LZTFL1: variants seen among roughly 807,000 people sequenced by gnomAD.
LZTFL1 encodes the protein leucine zipper transcription factor-like protein 1.
A neutral mutation model predicts 45.9 loss-of-function variants in LZTFL1; 25 were observed. The observed-to-expected ratio is 0.54, with a 90% CI of 0.40 to 0.76. The LOEUF (loss-of-function observed/expected upper bound fraction) is 0.76. Ranked by LOEUF, LZTFL1 falls within the 30% of genes least tolerant of loss-of-function variation. LZTFL1 has a pLI of 0.00. For missense variants in LZTFL1, 277 were observed against 331.1 expected, an observed-to-expected ratio of 0.84 and a Z score of 1.27; for synonymous variants, 93 against 117.4, an observed-to-expected ratio of 0.79 and a Z score of 1.35.
intron 2 of LZTFL1, among the ~76,000 whole-genome samples, chr3:45,898,892 G>C (rs958379410): frequency 6.6e-5 from 10 of 152,260 alleles, no homozygotes; most frequent in South Asian, 2.1e-4. Context: ...TCTGGGCCGG[G>C]CATGGTGGCT....
Position 45,889,976 on chromosome 3 carries a change from G to A in LZTFL1, c.-215+23144C>T, listed in dbSNP as rs979735594. On this transcript the variant is annotated intron_variant, in intron 2 of 4. Coordinates refer to the LZTFL1 transcript ENST00000472635. ...GATGCGCTGCAGAGTCAGAGATGTT[G>A]TGCTTTGTAAATTTTGACAGATATG... Among the ~76,000 whole-genome samples, 4 of 151,254 alleles carry A rather than the reference G, an allele frequency of 2.6e-5. No homozygotes were observed. The East Asian group carries it at 7.8e-4, about 30-fold the overall frequency.
intron 2 of LZTFL1, among the ~76,000 whole-genome samples, chr3:45,909,251 G>A (rs1258291007): frequency 6.6e-6 from 1 of 152,174 alleles, no homozygotes; most frequent in Admixed American, 6.5e-5. Flanking sequence ...GATGTAACAT[G>A]CTTGAATCAT....
chr3:45,851,699 C>T (rs1023990018), intron 4 of LZTFL1, among the ~76,000 whole-genome samples: 1 of 151,828 alleles, frequency 6.6e-6, no homozygotes, highest in Non-Finnish European at 1.5e-5. Context: ...TAAATTTTTC[C>T]CAGCCAGGTG....
At chr3:45,905,110 CA>C (rs1158442941) in intron 2 of LZTFL1, among the ~76,000 whole-genome samples, 1 of 152,018 alleles carries the variant, frequency 6.6e-6, no homozygotes, top group African/African-American at 2.4e-5. Context: ...TTTAGATACT[CA>C]AAAAAAATCT....
chr3:45,877,738 T>G (rs2125722596), intron 2 of LZTFL1, among the ~76,000 whole-genome samples: 1 of 150,936 alleles, frequency 6.6e-6, no homozygotes, highest in African/African-American at 2.4e-5. Context: ...ATTTCATTTA[T>G]TAGTTTTTTT....
At chr3:45,874,182 C>T (rs1003120489) in intron 2 of LZTFL1, among the ~76,000 whole-genome samples, 5 of 152,190 alleles carry the variant, frequency 3.3e-5, no homozygotes, top group Non-Finnish European at 7.3e-5. Context: ...GCATCCTCCT[C>T]TTTCCTACAT....
rs1575246988 is a variant in LZTFL1, at chr3:45,825,197, G to A, written c.*1117C>T. ...TCTTAGTAGACAGTGTTCATTTAGG[G>A]TGTGATACTCTCACTTTTAGAAGCA... On this transcript the variant is annotated 3_prime_UTR_variant, in exon 10 of 10. Transcript: ENST00000296135. 1 of 288,170 alleles carries A rather than the reference G, an allele frequency of 3.5e-6. No homozygotes were observed. Among genetic ancestry groups the A allele is most frequent in the East Asian group, 5.7e-5 (1 of 17,630 alleles). 17.9% of individuals were successfully genotyped at this position (288,170 alleles called of 1,614,324 possible).
At chr3:45,882,633 T>A (rs964820260) in intron 2 of LZTFL1, among the ~76,000 whole-genome samples, 1 of 152,136 alleles carries the variant, frequency 6.6e-6, no homozygotes, top group African/African-American at 2.4e-5. Flanking sequence ...TATATTGTAA[T>A]GAACAGACTC....
intron 2 of LZTFL1, among the ~76,000 whole-genome samples, chr3:45,874,253 A>G (rs1701713537): frequency 6.6e-6 from 1 of 152,138 alleles, no homozygotes; most frequent in Non-Finnish European, 1.5e-5. Context: ...AATGATAGCC[A>G]CTGAAAAAAT....
Position 45,832,972 on chromosome 3 carries a change from T to C in LZTFL1, c.456+78A>G, listed in dbSNP as rs1397577995. ...ATCCTCAGAGGACCTGAAACAAACC[T>C]TCCACTTCTGTTTCTCCACCCTAGG... On this transcript the variant is annotated intron_variant, in intron 5 of 9. Transcript: ENST00000296135. 3 of 1,095,916 alleles carry C rather than the reference T, an allele frequency of 2.7e-6. No individual in the cohort carries two copies. The Admixed American group carries it at 5.4e-5, about 20-fold the overall frequency. 67.9% of individuals were successfully genotyped at this position (1,095,916 alleles called of 1,614,324 possible). A position where few individuals can be genotyped will look rare whatever the true frequency, so the allele number is the denominator to read the frequency against.
intron 2 of LZTFL1, chr3:45,912,969 T>C (rs1167873193): frequency 5.6e-6 from 4 of 716,174 alleles, no homozygotes; most frequent in Non-Finnish European, 8.9e-6. Flanking sequence ...AGGGCTGCCA[T>C]AGCAAATCCT....
rs937368014 is a variant in LZTFL1 at position 45,826,225 on chromosome 3, G to T, written c.*89C>A. On this transcript the variant is annotated 3_prime_UTR_variant, in exon 10 of 10. Coordinates refer to ENST00000296135, the MANE Select transcript of LZTFL1 (RefSeq NM_020347.4). ...AAATATTAGAAAAATAAGGAGAGGG[G>T]ATATGACAAAATGCTTTTCAAAATA... 5.5e-6 allele frequency: 6 copies of T among 1,083,470 alleles called. No homozygotes were observed. In the Admixed American group the frequency reaches 5.7e-5, roughly 10 times the overall value. The allele number at this position is 1,083,470 out of a possible 1,614,324, so 67.1% of individuals were successfully genotyped here.
chr3:45,864,729 A>G (rs1241486312), intron 2 of LZTFL1, among the ~76,000 whole-genome samples: 2 of 152,198 alleles, frequency 1.3e-5, no homozygotes, highest in Non-Finnish European at 2.9e-5. Flanking sequence ...AAAAACACAC[A>G]TGAGGAGACA....
Position 45,901,440 on chromosome 3 carries a change from A to C in LZTFL1, c.-215+11680T>G, listed in dbSNP as rs1702554201. 1 of 1,614,040 alleles carries C rather than the reference A, an allele frequency of 6.2e-7. No individual in the cohort carries two copies. Among genetic ancestry groups the C allele is most frequent in the South Asian group, 1.1e-5 (1 of 91,086 alleles). ...ACTGAAGTCAGCTGTCTTGACCCTG[A>C]AGGTCATTCTGGGGTTCTTCCTTCC... is the stretch of plus-strand genomic sequence containing the variant. On this transcript the variant is annotated intron_variant, in intron 2 of 4. Coordinates refer to the LZTFL1 transcript ENST00000472635. The surrounding 1 kb of genome is among the most constrained non-coding windows in gnomAD (Gnocchi z 4.3).
chr3:45,858,106 A>G (rs1475564779), intron 3 of LZTFL1, among the ~76,000 whole-genome samples: 4 of 152,218 alleles, frequency 2.6e-5, no homozygotes, highest in Non-Finnish European at 5.9e-5. Context: ...TCCTTTACAC[A>G]TTCAATTTTC....
chr3:45,872,069 G>C (rs565480202), intron 2 of LZTFL1, among the ~76,000 whole-genome samples: 1 of 152,192 alleles, frequency 6.6e-6, no homozygotes, highest in Non-Finnish European at 1.5e-5. Flanking sequence ...GGCAGGCCTA[G>C]GCTCATCAAA....
chr3:45,878,008 A>G (rs1701781767), intron 2 of LZTFL1, among the ~76,000 whole-genome samples: 1 of 152,138 alleles, frequency 6.6e-6, no homozygotes, highest in African/African-American at 2.4e-5. Context: ...AGCCTCCCAA[A>G]GTGTTGGGAT....
Position 45,842,116 on chromosome 3 carries a change from C to T in LZTFL1, c.-125G>A, listed in dbSNP as rs1169047354. Reference sequence around the variant, plus strand: ...GAAGGAGGGTAGGTTGTTTAGAAGCCTCTGGTTGCTAACGGAAACCGAGGC... The same window carrying T: ...GAAGGAGGGTAGGTTGTTTAGAAGCTTCTGGTTGCTAACGGAAACCGAGGC... On this transcript the variant is annotated 5_prime_UTR_variant, in exon 1 of 10. Coordinates refer to ENST00000296135, the MANE Select transcript of LZTFL1 (RefSeq NM_020347.4). The T allele has an allele frequency of 1.4e-5, 22 of 1,536,498 alleles. No individual in the cohort carries two copies. In the East Asian group the frequency reaches 2.7e-4, roughly 19 times the overall value.
intron 2 of LZTFL1, among the ~76,000 whole-genome samples, chr3:45,880,322 T>C (rs1431842637): frequency 6.6e-6 from 1 of 152,092 alleles, no homozygotes; most frequent in Non-Finnish European, 1.5e-5. Flanking sequence ...GCCCACATGC[T>C]AAAACCCCAT....
Sources: gnomAD v4.1 joint callset for allele counts (sites outside exome capture counted in the v4.1 genomes callset) on GRCh38, gnomAD v4.1.1 for gene constraint, Gnocchi (gnomAD v3.1) non-coding constraint, MANE v1.5 for transcripts, NCBI Gene and HGNC (gene_info 2026-07-23, HGNC 2026-07-21) for gene names.